The following TUSC3 variants were observed in gnomAD, a reference collection of about 807,000 sequenced individuals.
TUSC3 encodes the protein tumor suppressor candidate 3.
TUSC3 carries 45 observed loss-of-function variants against 44.8 expected under a neutral mutation model. That is an observed-to-expected ratio of 1.00 (90% CI 0.79 to 1.29). The LOEUF is 1.29. Among genes scored for constraint, TUSC3 ranks in the 50% most tolerant of loss-of-function variants. TUSC3 has a pLI of 0.00. For synonymous variants in TUSC3, 212 were observed against 152.9 expected (o/e 1.39, Z -2.85); for missense variants, 519 against 437.9 (o/e 1.19, Z -1.65).
At chr8:15,826,003 G>A in the TUSC3 span, among the ~76,000 whole-genome samples, 2 of 151,206 alleles carry the variant, frequency 1.3e-5, no homozygotes, top group East Asian at 3.9e-4. Flanking sequence ...GCTGATGTGA[G>A]CCAGTTTTTA....
chr8:15,470,459 T>A (rs1219040472), intron 1 of TUSC3, among the ~76,000 whole-genome samples: 1 of 152,170 alleles, frequency 6.6e-6, no homozygotes, highest in South Asian at 2.1e-4. Flanking sequence ...TGGTTGATAA[T>A]GACATGTCAA....
intron 1 of TUSC3, among the ~76,000 whole-genome samples, chr8:15,444,593 C>G (rs148828615): frequency 1.3e-5 from 2 of 152,060 alleles, no homozygotes; most frequent in African/African-American, 4.8e-5. Context: ...TAGCAAGATT[C>G]TTGCTTAAAA....
intron 1 of TUSC3, among the ~76,000 whole-genome samples, chr8:15,606,885 T>G (rs925354888): frequency 6.6e-6 from 1 of 152,096 alleles, no homozygotes; most frequent in African/African-American, 2.4e-5. Flanking sequence ...CAGTTTTAAC[T>G]TACGTTTTCC....
intron 6 of TUSC3, among the ~76,000 whole-genome samples, chr8:15,729,536 T>C (rs1810630548): frequency 6.6e-6 from 1 of 152,090 alleles, no homozygotes; most frequent in South Asian, 2.1e-4. Context: ...TACACAGCCA[T>C]AGAAAATGAA....
chr8:15,663,458 G>A (rs756791955), intron 5 of TUSC3, among the ~76,000 whole-genome samples: 9 of 151,598 alleles, frequency 5.9e-5, no homozygotes, highest in Non-Finnish European at 1.0e-4. Flanking sequence ...AAAAATTAGG[G>A]GTCTTGATGA....
chr8:15,752,508 A>G lies in TUSC3; in HGVS notation c.1028+4043A>G, dbSNP rs536457543. On this transcript the variant is annotated intron_variant, in intron 9 of 10. Coordinates refer to ENST00000503731, the MANE Select transcript of TUSC3 (RefSeq NM_006765.4). The stretch of plus-strand genomic sequence containing the variant: ...CAAATTCTAGATGTTTGCAAAACTA[A>G]TAATTATTTTTCCAGATGAGTTTTT... Among the ~76,000 whole-genome samples the G allele has an allele frequency of 5.9e-5, 9 of 152,258 alleles. No individual in the cohort carries two copies. The East Asian group carries it at 1.5e-3, about 26-fold the overall frequency.
intron 1 of TUSC3, among the ~76,000 whole-genome samples, chr8:15,614,056 C>T (rs6992932): frequency 0.85 from 127,881 of 150,060 alleles, 54,787 homozygotes; most frequent in Non-Finnish European, 0.9. Context: ...TTAAGAACTC[C>T]ATGAAGGATA....
intron 2 of TUSC3, among the ~76,000 whole-genome samples, chr8:15,527,888 C>T (rs1172630534): frequency 2.6e-5 from 4 of 152,204 alleles, no homozygotes. Flanking sequence ...CACTTATATA[C>T]ACTTTTTAAT....
intron 6 of TUSC3, among the ~76,000 whole-genome samples, chr8:15,684,262 A>G (rs1426593674): frequency 6.6e-6 from 1 of 152,058 alleles, no homozygotes; most frequent in Non-Finnish European, 1.5e-5. Flanking sequence ...AGAGCAGTCC[A>G]AGAGAGTCAC....
chr8:15,503,325 G>A (rs1228289660), intron 2 of TUSC3, among the ~76,000 whole-genome samples: 2 of 152,080 alleles, frequency 1.3e-5, no homozygotes, highest in African/African-American at 2.4e-5. Flanking sequence ...AGACTTGTAG[G>A]CTTCAGAACT....
At chr8:15,523,340 G>A (rs184216294) in intron 2 of TUSC3, among the ~76,000 whole-genome samples, 6 of 152,086 alleles carry the variant, frequency 3.9e-5, no homozygotes, top group African/African-American at 7.2e-5. Context: ...CTCTGAGAGC[G>A]CTATAATGGA....
At position 15,765,403 on chromosome 8, in the gene TUSC3, G is replaced by C. The variant is rs1812299659; in HGVS notation, c.*1247G>C. On this transcript the variant is annotated 3_prime_UTR_variant, in exon 11 of 11. Transcript: ENST00000503731. ...TGTTATCTAATTTTCATTAAGATTTGAGTAACAGACCATGGAGAATTGTTT... is the reference window on the plus strand; with the variant it reads ...TGTTATCTAATTTTCATTAAGATTTCAGTAACAGACCATGGAGAATTGTTT... 1 of 151,954 alleles carries C rather than the reference G, an allele frequency of 6.6e-6. No individual in the cohort carries two copies. Among genetic ancestry groups the C allele is most frequent in the South Asian group, 2.1e-4 (1 of 4,822 alleles). The allele number at this position is 151,954 out of a possible 1,614,324, so 9.4% of individuals were successfully genotyped here. A position where few individuals can be genotyped will look rare whatever the true frequency, so the allele number is the denominator to read the frequency against.
At chr8:15,672,823 A>C (rs529470098) in intron 5 of TUSC3, among the ~76,000 whole-genome samples, 1 of 151,618 alleles carries the variant, frequency 6.6e-6, no homozygotes, top group East Asian at 1.9e-4. Context: ...GAATATTTAG[A>C]CTCCCAGTCG....
chr8:15,768,373 G>A (rs910794851), downstream of TUSC3, among the ~76,000 whole-genome samples: 3 of 152,070 alleles, frequency 2.0e-5, no homozygotes, highest in African/African-American at 4.8e-5. Flanking sequence ...ACATTATAAT[G>A]TTCAGGCTAT....
At chr8:15,435,550 T>A (rs1199223058) in intron 1 of TUSC3, among the ~76,000 whole-genome samples, 1 of 152,236 alleles carries the variant, frequency 6.6e-6, no homozygotes, top group Non-Finnish European at 1.5e-5. Context: ...AGTACTGGAC[T>A]GTTTCCAATT....
At chr8:15,638,611 C>T (rs542629431) in intron 2 of TUSC3, among the ~76,000 whole-genome samples, 6 of 149,124 alleles carry the variant, frequency 4.0e-5, no homozygotes, top group South Asian at 2.1e-4. Flanking sequence ...GCAACCTCTC[C>T]GCCTCCTGGG....
intron 1 of TUSC3, among the ~76,000 whole-genome samples, chr8:15,468,930 C>T (rs62501890): frequency 6.7e-6 from 1 of 149,194 alleles, no homozygotes; most frequent in South Asian, 2.1e-4. Flanking sequence ...AAAAAAAACC[C>T]AGGTGCTGAC....
At chr8:15,640,147 T>C (rs554970816) in intron 2 of TUSC3, among the ~76,000 whole-genome samples, 1 of 152,326 alleles carries the variant, frequency 6.6e-6, no homozygotes, top group African/African-American at 2.4e-5. Flanking sequence ...CCTGCTTTTT[T>C]TGTGTAAGTT....
At chr8:15,498,304 C>T (rs1383959277) in intron 2 of TUSC3, among the ~76,000 whole-genome samples, 1 of 152,158 alleles carries the variant, frequency 6.6e-6, no homozygotes, top group Non-Finnish European at 1.5e-5. Flanking sequence ...TGGAAGCTCT[C>T]ATTTGATTGC....
Sources: gnomAD v4.1 joint callset for allele counts (sites outside exome capture counted in the v4.1 genomes callset) on GRCh38, gnomAD v4.1.1 for gene constraint, MANE v1.5 for transcripts, NCBI Gene and HGNC (gene_info 2026-07-23, HGNC 2026-07-21) for gene names.